Variants in THSD4 observed in about 807,000 individuals in gnomAD.
THSD4 encodes the protein thrombospondin type 1 domain containing 4.
THSD4 carries 69 observed loss-of-function variants against 119.0 expected under a neutral mutation model. The ratio of observed to expected loss-of-function variants is 0.58; its 90% CI spans 0.48 to 0.71. THSD4 has a LOEUF of 0.71. Ranked by LOEUF, THSD4 falls within the 30% of genes least tolerant of loss-of-function variation. The pLI is 0.00. For missense variants in THSD4, 1,393 were observed against 1,391.1 expected, an observed-to-expected ratio of 1.00 and a Z score of -0.02; for synonymous variants, 524 against 540.4, an observed-to-expected ratio of 0.97 and a Z score of 0.42.
At chr15:71,309,413 T>C (rs925061423) in intron 6 of THSD4, among the ~76,000 whole-genome samples, 1 of 152,234 alleles carries the variant, frequency 6.6e-6, no homozygotes, top group African/African-American at 2.4e-5. Context: ...TTACCAGATA[T>C]ATAATTTGCA....
Position 71,396,970 on chromosome 15 carries a change from A to G in THSD4, c.1016-14717A>G, listed in dbSNP as rs188969675. Among the ~76,000 whole-genome samples, 680 of 152,378 alleles carry G rather than the reference A, an allele frequency of 4.5e-3. 4 individuals carry two copies. The highest frequency in any genetic ancestry group is 0.018 in the South Asian group (87 of 4,832). On this transcript the variant is annotated intron_variant, in intron 6 of 17. Transcript: ENST00000261862. ...ATGTGTCTAGGAACTTTCTACGAAC[A>G]GGAAGCTACTGCTGTTCCCTGTTCA...
intron 6 of THSD4, among the ~76,000 whole-genome samples, chr15:71,395,622 T>A (rs1596398265): frequency 1.3e-5 from 2 of 151,858 alleles, no homozygotes; most frequent in Non-Finnish European, 2.9e-5. Context: ...ATGCCTATAA[T>A]CCCAGCTACT....
At chr15:71,590,187 T>C (rs1162498295) in intron 7 of THSD4, among the ~76,000 whole-genome samples, 2 of 138,070 alleles carry the variant, frequency 1.4e-5, no homozygotes, top group South Asian at 2.3e-4. Context: ...ACCCAAGTGT[T>C]TGTGGTGTCA....
At chr15:71,606,682 A>C (rs867760148) in intron 7 of THSD4, among the ~76,000 whole-genome samples, 1 of 152,184 alleles carries the variant, frequency 6.6e-6, no homozygotes, top group Non-Finnish European at 1.5e-5. Context: ...CTGGGATTAC[A>C]GGCATGTGCC....
chr15:71,324,572 T>A (rs931965258), intron 6 of THSD4, among the ~76,000 whole-genome samples: 2 of 152,250 alleles, frequency 1.3e-5, no homozygotes, highest in African/African-American at 4.8e-5. Flanking sequence ...TGGTTTTCCA[T>A]TCCTGAGTTA....
intron 7 of THSD4, among the ~76,000 whole-genome samples, chr15:71,506,119 G>A (rs546805616): frequency 4.3e-4 from 66 of 152,332 alleles, no homozygotes; most frequent in African/African-American, 1.4e-3. Context: ...GGTGTCAGGA[G>A]TGGTCCTTGC....
At chr15:71,431,154 G>T (rs1255482015) in intron 7 of THSD4, among the ~76,000 whole-genome samples, 1 of 152,158 alleles carries the variant, frequency 6.6e-6, no homozygotes, top group Non-Finnish European at 1.5e-5. Flanking sequence ...ATAAAAGGAA[G>T]CTCCTTAACT....
At chr15:71,194,473 T>A (rs1375937400) in intron 3 of THSD4, among the ~76,000 whole-genome samples, 1 of 152,158 alleles carries the variant, frequency 6.6e-6, no homozygotes, top group Non-Finnish European at 1.5e-5. Context: ...GGTCGGGGCA[T>A]GGATTTGGCC....
In THSD4 at chr15:71,138,240, C is replaced by G. The variant is rs896808215; in HGVS notation, c.-79-3209C>G. Among the ~76,000 whole-genome samples, 3 of 152,132 alleles carry G rather than the reference C, an allele frequency of 2.0e-5. No homozygotes were observed. In the South Asian group the frequency reaches 6.2e-4, roughly 32 times the overall value. On this transcript the variant is annotated intron_variant, in intron 1 of 17. Coordinates refer to ENST00000261862, the MANE Select transcript of THSD4 (RefSeq NM_024817.3). ...ATGGCGGCAGGTGAGAGAGAACAAG[C>G]AAGAGCAGGGAAAGCTACCTTATGA... is the stretch of plus-strand genomic sequence containing the variant.
At chr15:71,369,787 G>A (rs535970261) in intron 6 of THSD4, among the ~76,000 whole-genome samples, 28 of 152,248 alleles carry the variant, frequency 1.8e-4, no homozygotes, top group Admixed American at 5.2e-4. Context: ...GGATGATGCT[G>A]GCCTCATAAA....
At chr15:71,455,953 C>T (rs898949391) in intron 7 of THSD4, among the ~76,000 whole-genome samples, 14 of 152,188 alleles carry the variant, frequency 9.2e-5, no homozygotes. Flanking sequence ...TCTTTCTGAG[C>T]CTGTCCGAAA....
intron 7 of THSD4, among the ~76,000 whole-genome samples, chr15:71,654,499 T>G (rs1016014167): frequency 3.3e-5 from 5 of 152,358 alleles, no homozygotes; most frequent in Non-Finnish European, 5.9e-5. Context: ...GCCTGATTTC[T>G]TATTTCCTGG....
intron 7 of THSD4, among the ~76,000 whole-genome samples, chr15:71,554,128 C>T (rs375502928): frequency 6.4e-5 from 9 of 139,654 alleles, no homozygotes; most frequent in South Asian, 4.8e-4. Context: ...CTCGCTCTGT[C>T]GCCCAGGCTG....
chr15:71,594,262 G>A (rs111799083), intron 7 of THSD4, among the ~76,000 whole-genome samples: 4,696 of 151,150 alleles, frequency 0.031, 116 homozygotes, highest in Non-Finnish European at 0.047. Flanking sequence ...AAGCTGGAGT[G>A]CAATGGCACG....
chr15:71,531,420 C>T (rs2048607997), intron 7 of THSD4, among the ~76,000 whole-genome samples: 1 of 152,182 alleles, frequency 6.6e-6, no homozygotes, highest in Non-Finnish European at 1.5e-5. Flanking sequence ...GGTGCAAGGC[C>T]TTGAACTTGT....
chr15:71,687,622 G>A (rs1278607817), intron 8 of THSD4, among the ~76,000 whole-genome samples: 2 of 152,060 alleles, frequency 1.3e-5, no homozygotes, highest in African/African-American at 4.8e-5. Flanking sequence ...AGGAGTGGTG[G>A]TGGGCACCTG....
rs375821501 is a variant in THSD4, at chr15:71,453,813, A to G, written c.1152+41990A>G. ...ATTGCCTTCTTGTGTTGTGACCATC[A>G]TAACCGCCTGCTGGCAGCTTCCACA... On this transcript the variant is annotated intron_variant, in intron 7 of 17. Transcript: ENST00000261862. Among the ~76,000 whole-genome samples the G allele has an allele frequency of 1.2e-4, 19 of 152,242 alleles. 1 individual carries two copies. Among genetic ancestry groups the G allele is most frequent in the Admixed American group, 1.1e-3 (17 of 15,290 alleles).
chr15:71,777,171 C>A (rs2053928348), intron 17 of THSD4, 61 bp from the exon 18 acceptor site: 7 of 1,607,264 alleles, frequency 4.4e-6, no homozygotes, highest in Non-Finnish European at 6.0e-6. Context: ...CTTTCTCTTC[C>A]CACTGGTCCA....
At chr15:71,423,963 T>C (rs1409892870) in intron 7 of THSD4, among the ~76,000 whole-genome samples, 1 of 152,146 alleles carries the variant, frequency 6.6e-6, no homozygotes, top group Non-Finnish European at 1.5e-5. Context: ...AGGGCAGCAC[T>C]GAGTTCCAAT....
Sources: gnomAD v4.1 joint callset for allele counts (sites outside exome capture counted in the v4.1 genomes callset) on GRCh38, gnomAD v4.1.1 for gene constraint, MANE v1.5 for transcripts, NCBI Gene and HGNC (gene_info 2026-07-23, HGNC 2026-07-21) for gene names.